Variants in ANKRD44 observed in about 807,000 individuals in gnomAD.
The protein encoded by ANKRD44 is serine/threonine-protein phosphatase 6 regulatory ankyrin repeat subunit B.
ANKRD44 carries 35 observed loss-of-function variants against 116.0 expected under a neutral mutation model. The ratio of observed to expected loss-of-function variants is 0.30; its 90% CI spans 0.23 to 0.40. The LOEUF (loss-of-function observed/expected upper bound fraction) is 0.40, where lower values mean the gene tolerates loss of function less well. Among genes scored for constraint, ANKRD44 ranks in the 10% least tolerant of loss-of-function variants. The probability of loss-of-function intolerance (pLI) is 1.00; values close to 1 mark genes in which losing one functional copy is unlikely to be tolerated. For missense variants in ANKRD44, 1,014 were observed against 1,242.6 expected, an observed-to-expected ratio of 0.82 and a Z score of 2.77; for synonymous variants, 435 against 461.8, an observed-to-expected ratio of 0.94 and a Z score of 0.74.
At chr2:196,990,142 A>G in intron 27 of ANKRD44, 1 of 987,832 alleles carries the variant, frequency 1.0e-6, no homozygotes, top group Non-Finnish European at 1.2e-6. Context: ...TAGAGAGGAT[A>G]TAAATAGTTG....
At chr2:197,148,299 C>T (rs1270570687) in intron 2 of ANKRD44, among the ~76,000 whole-genome samples, 2 of 152,206 alleles carry the variant, frequency 1.3e-5, no homozygotes, top group Non-Finnish European at 2.9e-5. Context: ...CCCATAGTAG[C>T]AGCATACTTG....
At chr2:196,967,370 TTC>T in exon 22 of ANKRD44, 2 of 467,750 alleles carry the variant, frequency 4.3e-6, no homozygotes, top group South Asian at 3.1e-5. Flanking sequence ...ATAAAGTGCA[TTC>T]TGATTCATAA....
chr2:197,008,178 T>G (rs895741915), intron 19 of ANKRD44, among the ~76,000 whole-genome samples: 1 of 152,198 alleles, frequency 6.6e-6, no homozygotes, highest in African/African-American at 2.4e-5. Flanking sequence ...TTTCAAAATA[T>G]TCATGTTAAT....
intron 16 of ANKRD44, among the ~76,000 whole-genome samples, chr2:197,064,966 A>C (rs1187399527): frequency 6.6e-6 from 1 of 152,242 alleles, no homozygotes; most frequent in Admixed American, 6.5e-5. Context: ...ATAGACATCT[A>C]CAGAACTCTC....
At chr2:197,272,599 C>T (rs137910999) in intron 1 of ANKRD44, among the ~76,000 whole-genome samples, 1 of 152,324 alleles carries the variant, frequency 6.6e-6, no homozygotes, top group African/African-American at 2.4e-5. Flanking sequence ...TGGACTAATA[C>T]AATGGGGTAA....
chr2:197,156,341 GTC>G lies in ANKRD44; in HGVS notation c.112-9238_112-9237del, dbSNP rs1250291600. Among the ~76,000 whole-genome samples, 60 of 146,846 alleles carry G rather than the reference GTC, an allele frequency of 4.1e-4. 1 individual carries two copies. In the East Asian group the frequency reaches 0.01, roughly 25 times the overall value. Reference sequence around the variant, plus strand: ...ATCCTGGGCGACAGAGCGAGACTCCGTCTCAAAAAAAAAAAAACAGTGCCCAC... The same window carrying G: ...ATCCTGGGCGACAGAGCGAGACTCCGTCAAAAAAAAAAAAACAGTGCCCAC... On this transcript the variant is annotated intron_variant, in intron 2 of 27. Coordinates refer to ENST00000282272, the MANE Select transcript of ANKRD44 (RefSeq NM_001195144.2).
At chr2:197,310,492 C>CG (rs1218474013) in intron 1 of ANKRD44, 86 bp downstream of exon 1, 1 of 923,804 alleles carries the variant, frequency 1.1e-6, no homozygotes, top group Non-Finnish European at 1.3e-6. Flanking sequence ...CTCGCGGGCG[C>CG]GCTCCAGCCG....
Position 197,208,683 on chromosome 2 carries a change from C to T in ANKRD44, c.28-21577G>A, listed in dbSNP as rs2081260997. 2.0e-5 allele frequency among the ~76,000 whole-genome samples: 3 copies of T among 151,928 alleles called. No individual in the cohort carries two copies. The South Asian group carries it at 6.2e-4, about 32-fold the overall frequency. ...AGCGTGGTGGTGGGCGCCTATAGTCCCAGCTACTCGGGAGGCTGAGGCAGG... is the reference window on the plus strand; with the variant it reads ...AGCGTGGTGGTGGGCGCCTATAGTCTCAGCTACTCGGGAGGCTGAGGCAGG... On this transcript the variant is annotated intron_variant, in intron 1 of 27. Coordinates refer to ENST00000282272, the MANE Select transcript of ANKRD44 (RefSeq NM_001195144.2).
At chr2:196,972,786 C>T (rs573227369) in intron 21 of ANKRD44, among the ~76,000 whole-genome samples, 1 of 152,248 alleles carries the variant, frequency 6.6e-6, no homozygotes, top group African/African-American at 2.4e-5. Flanking sequence ...TATCACCTTG[C>T]TTATTTCTCT....
rs1376970387 is a variant in ANKRD44 at position 197,103,017 on chromosome 2, C to G, written c.986-3087G>C. Among the ~76,000 whole-genome samples the G allele has an allele frequency of 3.9e-5, 6 of 151,918 alleles. No homozygotes were observed. In the East Asian group the frequency reaches 1.2e-3, roughly 29 times the overall value. ...GGCCAAGGTGGGCAGATCACAAGGT[C>G]AGGAGATCAAGACCATCCTGGCAAA... On this transcript the variant is annotated intron_variant, in intron 9 of 27. Transcript: ENST00000282272.
chr2:197,295,425 C>T (rs889047868), intron 1 of ANKRD44, among the ~76,000 whole-genome samples: 1 of 152,166 alleles, frequency 6.6e-6, no homozygotes, highest in Non-Finnish European at 1.5e-5. Flanking sequence ...TATTTATGGA[C>T]AAAGAAATTA....
intron 1 of ANKRD44, chr2:197,300,966 C>T (rs2083890039): frequency 6.6e-6 from 1 of 151,940 alleles, no homozygotes; most frequent in African/African-American, 2.4e-5. Flanking sequence ...GTTTCACCAT[C>T]TCTAGCCATC....
intron 1 of ANKRD44, among the ~76,000 whole-genome samples, chr2:197,237,998 C>A (rs1430040156): frequency 6.6e-6 from 1 of 152,216 alleles, no homozygotes. Flanking sequence ...ATCCAATTCA[C>A]CTTTCACATC....
intron 2 of ANKRD44, 119 bp downstream of exon 2, chr2:197,186,904 C>T (rs1559133946): frequency 1.3e-6 from 1 of 755,136 alleles, no homozygotes. Flanking sequence ...GAACAGTGTC[C>T]TGAGAAACAG....
chr2:197,046,996 C>A (rs933427205), intron 16 of ANKRD44, among the ~76,000 whole-genome samples: 1 of 150,714 alleles, frequency 6.6e-6, no homozygotes, highest in Non-Finnish European at 1.5e-5. Context: ...ACGTTTATCA[C>A]CATTTGGTAA....
chr2:197,303,498 C>T (rs1178241483), intron 1 of ANKRD44, among the ~76,000 whole-genome samples: 1 of 152,122 alleles, frequency 6.6e-6, no homozygotes, highest in African/African-American at 2.4e-5. Context: ...CTTTTAGAGA[C>T]AGGTTAGAAT....
chr2:197,087,042 G>A (rs534440118), intron 12 of ANKRD44, among the ~76,000 whole-genome samples: 1 of 152,164 alleles, frequency 6.6e-6, no homozygotes, highest in South Asian at 2.1e-4. Flanking sequence ...TCCAGTGATG[G>A]TTTCATCATT....
chr2:196,983,338 C>T (rs75274153), downstream of ANKRD44, among the ~76,000 whole-genome samples: 1,675 of 152,210 alleles, frequency 0.011, 20 homozygotes, highest in East Asian at 0.037. Context: ...GGGCTGAGAT[C>T]GCTGTTAATC....
chr2:196,993,747 G>T, intron 26 of ANKRD44, 73 bp from the exon 27 acceptor site: 1 of 1,234,594 alleles, frequency 8.1e-7, no homozygotes, highest in Non-Finnish European at 1.2e-6. Flanking sequence ...GTTAGCCCAT[G>T]TCACTAAAAG....
Sources: gnomAD v4.1 joint callset for allele counts (sites outside exome capture counted in the v4.1 genomes callset) on GRCh38, gnomAD v4.1.1 for gene constraint, MANE v1.5 for transcripts, NCBI Gene and HGNC (gene_info 2026-07-23, HGNC 2026-07-21) for gene names.